Variants in PTPN3 observed in about 807,000 individuals in gnomAD.
PTPN3 encodes tyrosine-protein phosphatase non-receptor type 3.
A neutral mutation model predicts 132.7 loss-of-function variants in PTPN3; 96 were observed. That is an observed-to-expected ratio of 0.72 (90% CI 0.61 to 0.86). PTPN3 has a LOEUF of 0.86. Among genes scored for constraint, PTPN3 ranks in the 40% least tolerant of loss-of-function variants. The probability of loss-of-function intolerance (pLI) is 0.00; values close to 1 mark genes in which losing one functional copy is unlikely to be tolerated. For synonymous variants in PTPN3, 398 were observed against 429.0 expected, an observed-to-expected ratio of 0.93 and a Z score of 0.89; for missense variants, 1,125 against 1,159.6, an observed-to-expected ratio of 0.97 and a Z score of 0.43.
intron 10 of PTPN3, chr9:109,429,001 C>T: frequency 1.0e-6 from 1 of 985,438 alleles, no homozygotes; most frequent in Non-Finnish European, 1.2e-6. Context: ...CTGGTATATA[C>T]ATGGGGAAGA....
At chr9:109,438,366 T>C in intron 7 of PTPN3, 132 bp from the exon 8 acceptor site, 1 of 969,448 alleles carries the variant, frequency 1.0e-6, no homozygotes, top group Non-Finnish European at 1.5e-6. Flanking sequence ...CTACACCACA[T>C]GAACTGAAGC....
intron 7 of PTPN3, among the ~76,000 whole-genome samples, chr9:109,440,855 T>C (rs1844411606): frequency 6.6e-6 from 1 of 152,214 alleles, no homozygotes; most frequent in African/African-American, 2.4e-5. Flanking sequence ...TGGTTTTCCC[T>C]TTAAATCCTA....
At chr9:109,388,218 G>GTAA (rs1564376893) in intron 22 of PTPN3, among the ~76,000 whole-genome samples, 1 of 152,218 alleles carries the variant, frequency 6.6e-6, no homozygotes, top group Non-Finnish European at 1.5e-5. Context: ...TGATGTGGAC[G>GTAA]GGTTAGGGCC....
intron 16 of PTPN3, among the ~76,000 whole-genome samples, chr9:109,409,349 T>C (rs1424917048): frequency 6.6e-6 from 1 of 152,104 alleles, no homozygotes; most frequent in Non-Finnish European, 1.5e-5. Context: ...TAGATCTGTT[T>C]GCCAACTGTG....
At chr9:109,440,331 T>C (rs1360713418) in intron 7 of PTPN3, among the ~76,000 whole-genome samples, 4 of 152,232 alleles carry the variant, frequency 2.6e-5, no homozygotes, top group East Asian at 3.8e-4. Flanking sequence ...TAAGCGCACA[T>C]GGTGCGTTCA....
At chr9:109,477,472 G>C (rs1846734687) in intron 1 of PTPN3, among the ~76,000 whole-genome samples, 1 of 152,178 alleles carries the variant, frequency 6.6e-6, no homozygotes, top group African/African-American at 2.4e-5. Flanking sequence ...GTACATCCAA[G>C]GTACCCTGTG....
the PTPN3 span, chr9:109,533,761 C>T: frequency 7.3e-7 from 1 of 1,371,866 alleles, no homozygotes; most frequent in Non-Finnish European, 1.0e-6. Flanking sequence ...GGAACCTTCA[C>T]CTGCTGTAGG....
chr9:109,437,154 T>C (rs2131930937), intron 8 of PTPN3, among the ~76,000 whole-genome samples, 184 bp from the exon 9 acceptor site: 1 of 35,702 alleles, frequency 2.8e-5, no homozygotes, highest in Non-Finnish European at 4.6e-5. Flanking sequence ...CCATTGAATG[T>C]GACTCCCTCT....
chr9:109,462,125 C>T (rs1845871601), intron 2 of PTPN3, among the ~76,000 whole-genome samples: 1 of 152,200 alleles, frequency 6.6e-6, no homozygotes, highest in African/African-American at 2.4e-5. Flanking sequence ...GGCTGGGAAA[C>T]ATCCATCTCT....
intron 1 of PTPN3, among the ~76,000 whole-genome samples, chr9:109,492,166 C>T (rs760797143): frequency 1.3e-5 from 2 of 152,212 alleles, no homozygotes; most frequent in Non-Finnish European, 2.9e-5. Context: ...CCTCCCCAGG[C>T]CCAATGGTGG....
At chr9:109,511,546 T>C in the PTPN3 span, 247 of 153,818 alleles carry the variant, frequency 1.6e-3, no homozygotes, top group Middle Eastern at 6.5e-3. Context: ...GGCATTGGCA[T>C]ATTGGGGTTG....
intron 19 of PTPN3, among the ~76,000 whole-genome samples, chr9:109,400,496 G>T: frequency 6.6e-6 from 1 of 152,194 alleles, no homozygotes; most frequent in East Asian, 1.9e-4. Context: ...GTCTGGCTCC[G>T]TGTAGGGAGA....
chr9:109,501,291 C>T, upstream of PTPN3, among the ~76,000 whole-genome samples: 1 of 152,142 alleles, frequency 6.6e-6, no homozygotes, highest in East Asian at 1.9e-4. Context: ...CTGTTCACAG[C>T]TGTTAAGGGG....
chr9:109,451,255 T>C, intron 5 of PTPN3: 4 of 985,178 alleles, frequency 4.1e-6, no homozygotes, highest in Non-Finnish European at 4.8e-6. Flanking sequence ...GCAGTCCTGG[T>C]GGCCCACCAG....
intron 17 of PTPN3, among the ~76,000 whole-genome samples, chr9:109,406,867 G>A (rs535028397): frequency 6.6e-6 from 1 of 152,304 alleles, no homozygotes; most frequent in East Asian, 1.9e-4. Flanking sequence ...TATAAAAATT[G>A]CTGAAGCCAT....
intron 14 of PTPN3, among the ~76,000 whole-genome samples, chr9:109,411,383 C>T (rs1386615539): frequency 6.6e-6 from 1 of 152,158 alleles, no homozygotes; most frequent in Non-Finnish European, 1.5e-5. Flanking sequence ...CCATGCAGAG[C>T]CCACTTCCAA....
At chr9:109,516,704 C>G in the PTPN3 span, among the ~76,000 whole-genome samples, 1 of 152,082 alleles carries the variant, frequency 6.6e-6, no homozygotes, top group Admixed American at 6.6e-5. Flanking sequence ...TTTAAAAGAC[C>G]ATCGGGCAAC....
At chr9:109,457,482 T>A in intron 2 of PTPN3, 83 bp from the exon 3 acceptor site, 2 of 1,107,952 alleles carry the variant, frequency 1.8e-6, no homozygotes, top group South Asian at 1.4e-5. Flanking sequence ...AAAAAAGAGT[T>A]AAAATATTCA....
intron 1 of PTPN3, among the ~76,000 whole-genome samples, chr9:109,483,895 G>T (rs553559138): frequency 6.6e-6 from 1 of 152,186 alleles, no homozygotes; most frequent in Admixed American, 6.5e-5. Context: ...GCCGCTCAAA[G>T]TGCAGTCTCT....
Sources: allele counts gnomAD v4.1 joint callset (sites outside exome capture counted in the v4.1 genomes callset), GRCh38; gene constraint gnomAD v4.1.1; transcripts MANE v1.5; gene names NCBI Gene and HGNC (gene_info 2026-07-23, HGNC 2026-07-21).